MCU: variants seen among roughly 807,000 people sequenced by gnomAD.
The protein encoded by MCU is calcium uniporter protein, mitochondrial.
MCU carries 12 observed loss-of-function variants against 45.2 expected under a neutral mutation model. The observed-to-expected ratio is 0.27, with a 90% confidence interval of 0.17 to 0.43. The LOEUF (loss-of-function observed/expected upper bound fraction) is 0.43. MCU is among the 20% of genes least tolerant of loss of function. MCU has a pLI of 1.00. For synonymous variants in MCU, 160 were observed against 165.1 expected, an observed-to-expected ratio of 0.97 and a Z score of 0.24; for missense variants, 324 against 436.7, an observed-to-expected ratio of 0.74 and a Z score of 2.30.
chr10:72,751,222 C>CG (rs745586575), intron 1 of MCU, among the ~76,000 whole-genome samples: 2 of 151,108 alleles, frequency 1.3e-5, no homozygotes, highest in Non-Finnish European at 2.9e-5. Flanking sequence ...AGGCTGGCCT[C>CG]GAACTCCTGA....
At chr10:72,705,397 C>G (rs1842806945) in intron 1 of MCU, among the ~76,000 whole-genome samples, 1 of 152,082 alleles carries the variant, frequency 6.6e-6, no homozygotes, top group African/African-American at 2.4e-5. Flanking sequence ...AGGATATATT[C>G]TGGGTTGGGC....
chr10:72,787,297 C>G (rs1367954692), intron 1 of MCU, among the ~76,000 whole-genome samples: 2 of 152,208 alleles, frequency 1.3e-5, no homozygotes, highest in Admixed American at 1.3e-4. Context: ...GAGACAGAAT[C>G]TCGCTCTGTC....
chr10:72,823,825 C>T (rs768707033), intron 1 of MCU, among the ~76,000 whole-genome samples: 11 of 152,060 alleles, frequency 7.2e-5, no homozygotes, highest in African/African-American at 4.8e-5. Context: ...TTTGGGAGGC[C>T]GAGTTGGGAG....
intron 1 of MCU, among the ~76,000 whole-genome samples, chr10:72,823,012 A>G (rs1844737906): frequency 6.6e-6 from 1 of 152,188 alleles, no homozygotes; most frequent in South Asian, 2.1e-4. Flanking sequence ...CTACTCCTAG[A>G]TAGCTATCCA....
intron 1 of MCU, among the ~76,000 whole-genome samples, chr10:72,761,245 C>T (rs544327725): frequency 6.6e-6 from 1 of 152,202 alleles, no homozygotes; most frequent in South Asian, 2.1e-4. Context: ...TAATGAGAAG[C>T]GTCAGAAAAT....
At chr10:72,830,707 C>A (rs1844866225) in intron 1 of MCU, among the ~76,000 whole-genome samples, 1 of 152,200 alleles carries the variant, frequency 6.6e-6, no homozygotes, top group South Asian at 2.1e-4. Flanking sequence ...CAGACCCCAT[C>A]TTCAGCACAA....
chr10:72,856,768 T>TA (rs1204072398), intron 2 of MCU, among the ~76,000 whole-genome samples: 1,417 of 64,958 alleles, frequency 0.022, 50 homozygotes, highest in Middle Eastern at 0.026. Context: ...ACCCTGTCTC[T>TA]AAAAAAAAAA....
intron 1 of MCU, among the ~76,000 whole-genome samples, chr10:72,825,396 A>G (rs1343594294): frequency 6.6e-6 from 1 of 152,198 alleles, no homozygotes. Flanking sequence ...CTGATCTGAC[A>G]GTGTCAGGCA....
chr10:72,836,757 A>G (rs1844961604), intron 2 of MCU, among the ~76,000 whole-genome samples: 1 of 152,214 alleles, frequency 6.6e-6, no homozygotes, highest in Non-Finnish European at 1.5e-5. Context: ...TAAAAGCACA[A>G]AATTATTTGA....
chr10:72,800,172 G>A (rs1469805639), intron 1 of MCU, among the ~76,000 whole-genome samples: 2 of 152,140 alleles, frequency 1.3e-5, no homozygotes, highest in Admixed American at 1.3e-4. Flanking sequence ...GTTGCGATGT[G>A]TCTTTTCCAA....
rs1366117165 is a variant in MCU at position 72,886,049 on chromosome 10, ATC to A, written c.*230_*231del. On this transcript the variant is annotated 3_prime_UTR_variant, in exon 8 of 8. Coordinates refer to ENST00000373053, the MANE Select transcript of MCU (RefSeq NM_138357.3). ...TTAGTGAATATTGTCTTAACCAAGT[ATC>A]TCAGTTTCTGGATGAAAATGATGCA... 1 of 452,044 alleles carries A rather than the reference ATC, an allele frequency of 2.2e-6. No homozygotes were observed. Among genetic ancestry groups the A allele is most frequent in the East Asian group, 3.8e-5 (1 of 26,648 alleles). 28.0% of individuals were successfully genotyped at this position (452,044 alleles called of 1,614,324 possible).
chr10:72,868,680 A>T (rs764350225), intron 4 of MCU, 23 bp from the exon 5 acceptor site: 45 of 1,608,546 alleles, frequency 2.8e-5, no homozygotes, highest in East Asian at 1.3e-4. Flanking sequence ...TACATTTTTT[A>T]AAAAATGTAA....
chr10:72,850,342 A>T (rs1421021310), intron 2 of MCU, among the ~76,000 whole-genome samples: 1 of 152,212 alleles, frequency 6.6e-6, no homozygotes, highest in East Asian at 1.9e-4. Flanking sequence ...TTAAGATCAT[A>T]AGCCCCTGAA....
chr10:72,741,800 G>A (rs961731478), intron 1 of MCU, among the ~76,000 whole-genome samples: 1 of 152,084 alleles, frequency 6.6e-6, no homozygotes, highest in Non-Finnish European at 1.5e-5. Context: ...AGGCCGAGGC[G>A]GGTGGATCAC....
At chr10:72,708,675 T>C (rs1265145310) in intron 1 of MCU, among the ~76,000 whole-genome samples, 1 of 152,220 alleles carries the variant, frequency 6.6e-6, no homozygotes, top group Non-Finnish European at 1.5e-5. Context: ...TAGATCATCT[T>C]GTTCTCTGTG....
rs2132670785 is a variant in MCU at position 72,719,823 on chromosome 10, A to G, written c.150+27522A>G. Among the ~76,000 whole-genome samples the G allele has an allele frequency of 2.0e-5, 3 of 152,304 alleles. No individual in the cohort carries two copies. In the South Asian group the frequency reaches 6.2e-4, roughly 32 times the overall value. On this transcript the variant is annotated intron_variant, in intron 1 of 7. Transcript: ENST00000373053. ...TTGGCTATAGTCACCCTGTTGTGCT[A>G]TACAATTCTAGGTCTTATTCATTCT...
intron 1 of MCU, among the ~76,000 whole-genome samples, chr10:72,704,151 A>G (rs1032819144): frequency 6.6e-6 from 1 of 152,196 alleles, no homozygotes; most frequent in African/African-American, 2.4e-5. Context: ...CCGGGTGGAA[A>G]GGATGGGACC....
intron 1 of MCU, among the ~76,000 whole-genome samples, chr10:72,787,369 A>G (rs919903743): frequency 1.3e-5 from 2 of 152,150 alleles, no homozygotes; most frequent in East Asian, 3.9e-4. Flanking sequence ...CCCGGCTTCA[A>G]GCAGTTCTCC....
intron 1 of MCU, among the ~76,000 whole-genome samples, chr10:72,739,416 C>T (rs1843295196): frequency 6.6e-6 from 1 of 152,144 alleles, no homozygotes; most frequent in Admixed American, 6.5e-5. Context: ...CTATAAAAGT[C>T]AGACTATATA....
Sources: gnomAD v4.1 joint callset for allele counts (sites outside exome capture counted in the v4.1 genomes callset) on GRCh38, gnomAD v4.1.1 for gene constraint, MANE v1.5 for transcripts, NCBI Gene and HGNC (gene_info 2026-07-23, HGNC 2026-07-21) for gene names.